TNKS: variants seen among roughly 807,000 people sequenced by gnomAD.
TNKS encodes the protein poly [ADP-ribose] polymerase tankyrase-1.
Under a neutral mutation model 135.8 loss-of-function variants are expected in TNKS, and 72 were observed. The observed-to-expected ratio is 0.53, with a 90% CI of 0.44 to 0.64. TNKS has a LOEUF of 0.64. Ranked by LOEUF, TNKS falls within the 30% of genes least tolerant of loss-of-function variation. The pLI, the probability that TNKS is intolerant of heterozygous loss-of-function variation, is 0.00. For synonymous variants in TNKS, 849 were observed against 649.3 expected (o/e 1.31, Z -4.68); for missense variants, 1,769 against 1,674.0 (o/e 1.06, Z -0.99).
chr8:9,615,206 A>G lies in TNKS; in HGVS notation c.899-376A>G, dbSNP rs1326411552. 2.5e-5 allele frequency: 4 copies of G among 159,784 alleles called. No individual in the cohort carries two copies. The Admixed American group carries it at 2.5e-4, about 10-fold the overall frequency. The allele number at this position is 159,784 out of a possible 1,614,324, so 9.9% of individuals were successfully genotyped here. ...ATTCAGCAGTAAAGCAGCGACAGCA[A>G]CAAGCAGCCACAGTGGTAGTAAAGA... On this transcript the variant is annotated intron_variant, in intron 2 of 26. Transcript: ENST00000310430.
At chr8:9,558,439 A>G (rs1416082323) in intron 1 of TNKS, 1 of 152,194 alleles carries the variant, frequency 6.6e-6, no homozygotes, top group East Asian at 1.9e-4. Flanking sequence ...GTCTGATTTT[A>G]TTAATCAACA....
intron 3 of TNKS, chr8:9,658,242 A>C (rs1179286969): frequency 3.0e-6 from 1 of 338,432 alleles, no homozygotes; most frequent in Non-Finnish European, 5.2e-6. Flanking sequence ...ACGGGGTGGC[A>C]GCCGGGCAGA....
chr8:9,606,303 G>T (rs1440237698), intron 2 of TNKS, among the ~76,000 whole-genome samples: 1 of 151,434 alleles, frequency 6.6e-6, no homozygotes, highest in Admixed American at 6.6e-5. Context: ...GCTGTCTTCT[G>T]TTCTGTTGGT....
chr8:9,686,951 C>T (rs928409962), intron 5 of TNKS, among the ~76,000 whole-genome samples: 1 of 152,154 alleles, frequency 6.6e-6, no homozygotes, highest in Non-Finnish European at 1.5e-5. Flanking sequence ...TATTTTGTTA[C>T]TTATTTTTCA....
chr8:9,661,427 C>T (rs1053257922), intron 3 of TNKS, among the ~76,000 whole-genome samples: 1 of 152,076 alleles, frequency 6.6e-6, no homozygotes, highest in Non-Finnish European at 1.5e-5. Flanking sequence ...AGAAATAATG[C>T]CGCATATCTA....
Position 9,556,092 on chromosome 8 carries a change from C to T in TNKS, c.153C>T (p.Ser51=), listed in dbSNP as rs774511611. 2 of 1,600,406 alleles carry T rather than the reference C, an allele frequency of 1.2e-6. No homozygotes were observed. Among genetic ancestry groups the T allele is most frequent in the Admixed American group, 1.7e-5 (1 of 58,836 alleles). ...PGTTPASPTA[S]GLAPFASPRH... is the part of the protein sequence containing the mutation. ...CCACCCCAGCCTCTCCCACGGCCAG[C>T]GGCCTGGCCCCCTTCGCCTCCCCGC... is the stretch of plus-strand genomic sequence containing the variant. The change falls in exon 1 of 27, where the codon AGC becomes AGT. Residue 51 remains serine (S), a synonymous_variant. Coordinates refer to ENST00000310430, the MANE Select transcript of TNKS (RefSeq NM_003747.3).
At chr8:9,728,675 T>G (rs999580029) in intron 13 of TNKS, among the ~76,000 whole-genome samples, 3 of 152,228 alleles carry the variant, frequency 2.0e-5, no homozygotes, top group African/African-American at 7.2e-5. Flanking sequence ...CATTTTTTAT[T>G]TAATTTGATT....
intron 13 of TNKS, among the ~76,000 whole-genome samples, chr8:9,727,166 G>A (rs2128815621): frequency 6.6e-6 from 1 of 152,296 alleles, no homozygotes; most frequent in Admixed American, 6.5e-5. Context: ...TTTATTCTAG[G>A]AAAGCATTCC....
Position 9,743,996 on chromosome 8 carries a change from T to A in TNKS, c.2644-4028T>A, listed in dbSNP as rs144967010. On this transcript the variant is annotated intron_variant, in intron 17 of 26. Coordinates refer to ENST00000310430, the MANE Select transcript of TNKS (RefSeq NM_003747.3). Reference sequence around the variant, plus strand: ...TATGTAGTTATTTATTGATCATTATTCCTTCATACTTATTTACTTTTTTCC... The same window carrying A: ...TATGTAGTTATTTATTGATCATTATACCTTCATACTTATTTACTTTTTTCC... Among the ~76,000 whole-genome samples, 25 of 152,368 alleles carry A rather than the reference T, an allele frequency of 1.6e-4. No homozygotes were observed. The East Asian group carries it at 4.6e-3, about 28-fold the overall frequency.
intron 2 of TNKS, among the ~76,000 whole-genome samples, chr8:9,593,773 C>A (rs1027611595): frequency 6.6e-6 from 1 of 152,066 alleles, no homozygotes; most frequent in African/African-American, 2.4e-5. Context: ...AAGTTAACAT[C>A]CTGGAACTTG....
At chr8:9,711,136 G>C (rs1804310168) in intron 11 of TNKS, among the ~76,000 whole-genome samples, 1 of 152,078 alleles carries the variant, frequency 6.6e-6, no homozygotes, top group Non-Finnish European at 1.5e-5. Flanking sequence ...GTAGGGTATA[G>C]ACTCCCTATG....
chr8:9,718,040 G>C (rs369412367), intron 11 of TNKS, among the ~76,000 whole-genome samples: 1 of 151,968 alleles, frequency 6.6e-6, no homozygotes, highest in East Asian at 1.9e-4. Flanking sequence ...TAGTCCAAAA[G>C]GTACAGAAAA....
At position 9,616,744 on chromosome 8, in the gene TNKS, A is replaced by G. The variant is rs558962103; in HGVS notation, c.994+1067A>G. Among the ~76,000 whole-genome samples, 6 of 152,368 alleles carry G rather than the reference A, an allele frequency of 3.9e-5. No individual in the cohort carries two copies. The South Asian group carries it at 1.0e-3, about 26-fold the overall frequency. On this transcript the variant is annotated intron_variant, in intron 3 of 26. Coordinates refer to ENST00000310430, the MANE Select transcript of TNKS (RefSeq NM_003747.3). ...GTAATATGACTTTTCTCAATCAAAG[A>G]TTAGTGTATTTAGTTGCTGGATAAC...
chr8:9,776,580 C>G, intron 26 of TNKS, 70 bp from the exon 27 acceptor site: 1 of 1,442,446 alleles, frequency 6.9e-7, no homozygotes, highest in South Asian at 1.2e-5. Flanking sequence ...TTTGAGGCTT[C>G]CACATTCGGC....
At chr8:9,751,572 G>C in intron 18 of TNKS, 37 bp from the exon 19 acceptor site, 1 of 1,569,950 alleles carries the variant, frequency 6.4e-7, no homozygotes, top group Non-Finnish European at 8.7e-7. Flanking sequence ...TTAATATATA[G>C]TATTTTCATG....
At chr8:9,575,448 A>G (rs1797911100) in intron 1 of TNKS, 1 of 983,680 alleles carries the variant, frequency 1.0e-6, no homozygotes, top group African/African-American at 1.7e-5. Context: ...CTAAAGTTAT[A>G]CTAACAAATA....
At chr8:9,760,505 T>G (rs976211618) in intron 20 of TNKS, among the ~76,000 whole-genome samples, 10 of 152,364 alleles carry the variant, frequency 6.6e-5, no homozygotes, top group African/African-American at 2.2e-4. Context: ...GCGATCTTGT[T>G]TGAGTTGGAA....
At chr8:9,625,710 T>C (rs1057294838) in intron 3 of TNKS, among the ~76,000 whole-genome samples, 3 of 152,190 alleles carry the variant, frequency 2.0e-5, no homozygotes, top group African/African-American at 7.2e-5. Context: ...ACCTTTCTCA[T>C]GTTACTTTCT....
At chr8:9,609,086 A>G (rs1478198560) in intron 2 of TNKS, among the ~76,000 whole-genome samples, 1 of 152,022 alleles carries the variant, frequency 6.6e-6, no homozygotes, top group African/African-American at 2.4e-5. Context: ...TTATAGTTTC[A>G]TCTTTTTTAG....
Sources: gnomAD v4.1 joint callset for allele counts (sites outside exome capture counted in the v4.1 genomes callset) on GRCh38, gnomAD v4.1.1 for gene constraint, MANE v1.5 for transcripts, NCBI Gene and HGNC (gene_info 2026-07-23, HGNC 2026-07-21) for gene names.